ZNF226: variants seen among roughly 807,000 people sequenced by gnomAD.
The protein encoded by ZNF226 is Kruppel-associated box protein.
Under a neutral mutation model 11.4 loss-of-function variants are expected in ZNF226, and 6 were observed. The observed-to-expected ratio is 0.53, with a 90% CI of 0.29 to 1.04. The LOEUF (loss-of-function observed/expected upper bound fraction) is 1.04. Among genes scored for constraint, ZNF226 ranks in the 50% least tolerant of loss-of-function variants. The pLI, the probability that ZNF226 is intolerant of heterozygous loss-of-function variation, is 0.08. For missense variants in ZNF226, 1,058 were observed against 956.5 expected, an observed-to-expected ratio of 1.11 and a Z score of -1.40; for synonymous variants, 350 against 322.8, an observed-to-expected ratio of 1.08 and a Z score of -0.90.
At chr19:44,189,549 A>G in the ZNF226 span, among the ~76,000 whole-genome samples, 1 of 152,206 alleles carries the variant, frequency 6.6e-6, no homozygotes, top group African/African-American at 2.4e-5. Flanking sequence ...AGAGTGAGTG[A>G]CAGTTGTATT....
chr19:44,199,406 T>C, the ZNF226 span, among the ~76,000 whole-genome samples: 2 of 152,184 alleles, frequency 1.3e-5, no homozygotes, highest in African/African-American at 4.8e-5. Context: ...TGTTCTTTAC[T>C]CAGTGTTAGA....
At chr19:44,173,028 AC>A (rs1970287268) in intron 5 of ZNF226, 76 bp downstream of exon 5, 1 of 1,387,522 alleles carries the variant, frequency 7.2e-7, no homozygotes, top group African/African-American at 1.4e-5. Context: ...TGTTGCCATC[AC>A]CTGGTCCAAA....
downstream of ZNF226, among the ~76,000 whole-genome samples, chr19:44,179,776 A>G (rs1970878552): frequency 6.6e-6 from 1 of 152,046 alleles, no homozygotes; most frequent in Non-Finnish European, 1.5e-5. Context: ...GAGCTGTGGA[A>G]AAAAGGAATA....
At chr19:44,182,384 C>T (rs761191214), downstream of ZNF226, among the ~76,000 whole-genome samples, 2 of 152,174 alleles carry the variant, frequency 1.3e-5, no homozygotes, top group Non-Finnish European at 2.9e-5. Context: ...AACACACACA[C>T]CTCAGTTATA....
the ZNF226 span, among the ~76,000 whole-genome samples, chr19:44,185,113 G>C: frequency 6.6e-6 from 1 of 152,154 alleles, no homozygotes; most frequent in Non-Finnish European, 1.5e-5. Flanking sequence ...CTTTTTAAAG[G>C]CTGCATAATA....
intron 5 of ZNF226, 96 bp from the exon 6 acceptor site, chr19:44,175,402 G>C: frequency 6.8e-7 from 1 of 1,465,748 alleles, no homozygotes; most frequent in Non-Finnish European, 9.0e-7. Flanking sequence ...GAACTATCCC[G>C]AGGTTCATTA....
At chr19:44,195,981 A>C in the ZNF226 span, among the ~76,000 whole-genome samples, 1 of 152,176 alleles carries the variant, frequency 6.6e-6, no homozygotes, top group Admixed American at 6.5e-5. Context: ...GCCCCAAAGG[A>C]GAGTGGTAAA....
the ZNF226 span, among the ~76,000 whole-genome samples, chr19:44,197,131 T>C: frequency 6.6e-6 from 1 of 152,228 alleles, no homozygotes; most frequent in African/African-American, 2.4e-5. Context: ...TTTATAGCAA[T>C]TGTTTACTTA....
At chr19:44,170,380 C>G (rs1969944618) in intron 3 of ZNF226, among the ~76,000 whole-genome samples, 1 of 151,770 alleles carries the variant, frequency 6.6e-6, no homozygotes, top group Non-Finnish European at 1.5e-5. Flanking sequence ...GGGGTGGGAT[C>G]ACTTGAGGTC....
intron 5 of ZNF226, chr19:44,173,214 A>G (rs1436060436): frequency 1.9e-6 from 1 of 532,524 alleles, no homozygotes; most frequent in Non-Finnish European, 3.3e-6. Context: ...CATAGAGTAA[A>G]ATCCACTTAA....
At chr19:44,178,332 C>T (rs1970851222), downstream of ZNF226, 1 of 152,202 alleles carries the variant, frequency 6.6e-6, no homozygotes, top group Admixed American at 6.5e-5. Flanking sequence ...TAACTGGACA[C>T]TACATACTAC....
At chr19:44,184,796 C>G in the ZNF226 span, among the ~76,000 whole-genome samples, 23 of 152,180 alleles carry the variant, frequency 1.5e-4, no homozygotes, top group East Asian at 4.2e-3. Flanking sequence ...ACCATCTTAA[C>G]CATATTTTAT....
At chr19:44,165,858 G>A (rs140749417) in intron 2 of ZNF226, 51 bp downstream of exon 2, 81 of 152,392 alleles carry the variant, frequency 5.3e-4, no homozygotes, top group African/African-American at 1.9e-3. Flanking sequence ...ATCAGAGAAT[G>A]TGTGGGGTCA....
chr19:44,172,381 T>C (rs1970203351), intron 4 of ZNF226, 167 bp downstream of exon 4: 2 of 856,560 alleles, frequency 2.3e-6, no homozygotes, highest in African/African-American at 3.4e-5. Flanking sequence ...TAGGTCTTTT[T>C]CATTTGTGTT....
intron 4 of ZNF226, 158 bp from the exon 5 acceptor site, chr19:44,172,702 C>A: frequency 1.6e-6 from 1 of 626,584 alleles, no homozygotes; most frequent in Non-Finnish European, 2.8e-6. Context: ...GTGTCTGGGT[C>A]ATGAAATAAA....
At chr19:44,172,692 G>T in intron 4 of ZNF226, 168 bp from the exon 5 acceptor site, 2 of 616,408 alleles carry the variant, frequency 3.2e-6, no homozygotes, top group Admixed American at 3.1e-5. Flanking sequence ...TTACGCATGT[G>T]TGTCTGGGTC....
chr19:44,195,422 T>C, the ZNF226 span, among the ~76,000 whole-genome samples: 1 of 152,184 alleles, frequency 6.6e-6, no homozygotes, highest in Non-Finnish European at 1.5e-5. Context: ...TATGTCAACC[T>C]AAATAGCAGA....
chr19:44,197,345 G>A, the ZNF226 span, among the ~76,000 whole-genome samples: 1 of 152,132 alleles, frequency 6.6e-6, no homozygotes, highest in African/African-American at 2.4e-5. Context: ...CAAGGACCGT[G>A]GTAGAGTTCC....
the ZNF226 span, among the ~76,000 whole-genome samples, chr19:44,196,439 A>C: frequency 6.6e-6 from 1 of 152,158 alleles, no homozygotes; most frequent in Non-Finnish European, 1.5e-5. Flanking sequence ...TGGCCAAGCT[A>C]TCAAAAGTAT....
Sources: gnomAD v4.1 joint callset for allele counts (sites outside exome capture counted in the v4.1 genomes callset) on GRCh38, gnomAD v4.1.1 for gene constraint, MANE v1.5 for transcripts, NCBI Gene and HGNC (gene_info 2026-07-23, HGNC 2026-07-21) for gene names.